The following CTNNA3 variants were observed in gnomAD, a reference collection of about 807,000 sequenced individuals.
CTNNA3 encodes catenin alpha-3.
Under a neutral mutation model 95.7 loss-of-function variants are expected in CTNNA3, and 76 were observed. That is an observed-to-expected ratio of 0.79 (90% CI 0.66 to 0.96). The LOEUF (loss-of-function observed/expected upper bound fraction) is 0.96, where lower values mean the gene tolerates loss of function less well. Among genes scored for constraint, CTNNA3 ranks in the 40% least tolerant of loss-of-function variants. The pLI is 0.00. For synonymous variants in CTNNA3, 431 were observed against 374.4 expected (o/e 1.15, Z -1.74); for missense variants, 1,191 against 1,089.8 (o/e 1.09, Z -1.31).
chr10:67,628,690 G>A (rs1839038858), intron 2 of CTNNA3, among the ~76,000 whole-genome samples: 1 of 152,062 alleles, frequency 6.6e-6, no homozygotes, highest in Admixed American at 6.6e-5. Flanking sequence ...AAAACTGTAT[G>A]AGATTTCTTA....
At chr10:67,452,825 T>C (rs1248447383) in intron 5 of CTNNA3, among the ~76,000 whole-genome samples, 3 of 152,190 alleles carry the variant, frequency 2.0e-5, no homozygotes, top group African/African-American at 7.2e-5. Flanking sequence ...AAATTGTCCT[T>C]AGAGTCAGCT....
intron 7 of CTNNA3, among the ~76,000 whole-genome samples, chr10:66,929,696 A>T (rs1439867876): frequency 6.6e-6 from 1 of 152,202 alleles, no homozygotes; most frequent in Non-Finnish European, 1.5e-5. Flanking sequence ...GTTCATCTGT[A>T]TTGTGAACTC....
chr10:66,120,640 G>T (rs1210470922), intron 13 of CTNNA3, among the ~76,000 whole-genome samples: 1 of 152,072 alleles, frequency 6.6e-6, no homozygotes, highest in Non-Finnish European at 1.5e-5. Flanking sequence ...GAGAACAGCT[G>T]CTAACACAAT....
chr10:65,920,566 C>T lies in CTNNA3; in HGVS notation c.2452G>A (p.Val818Ile). 1.2e-6 allele frequency: 2 copies of T among 1,614,126 alleles called. No homozygotes were observed. The highest frequency in any genetic ancestry group is 1.7e-6 in the Non-Finnish European group (2 of 1,180,016). Residue 818 changes from valine to isoleucine, a missense_variant, in exon 18 of 18, where the codon GTA becomes ATA. Val to Ile is a conservative substitution (Grantham distance 29). Coordinates refer to ENST00000433211, the MANE Select transcript of CTNNA3 (RefSeq NM_013266.4). ...IQAAKNLMNA[V>I]VQTVKMSYIA... ...TAAGACATTTTCACTGTTTGCACTA[C>T]AGCATTCATTAAATTTTTGGCTGCT...
chr10:66,758,498 G>A (rs1168304058), intron 9 of CTNNA3, among the ~76,000 whole-genome samples: 1 of 152,176 alleles, frequency 6.6e-6, no homozygotes, highest in Non-Finnish European at 1.5e-5. Context: ...TTAAAACAAA[G>A]TTTGGTTTCA....
intron 5 of CTNNA3, among the ~76,000 whole-genome samples, chr10:67,426,013 G>A (rs1375098898): frequency 1.3e-5 from 2 of 152,056 alleles, no homozygotes; most frequent in Admixed American, 1.3e-4. Context: ...GGGTGTCACA[G>A]GTCCTAAGGA....
intron 5 of CTNNA3, among the ~76,000 whole-genome samples, chr10:67,246,844 C>T (rs978103124): frequency 6.6e-5 from 10 of 152,048 alleles, no homozygotes; most frequent in East Asian, 3.9e-4. Flanking sequence ...AAGCAGAATG[C>T]GCAAGGAAAA....
chr10:66,392,385 G>A (rs529371534), intron 11 of CTNNA3, among the ~76,000 whole-genome samples: 4 of 151,916 alleles, frequency 2.6e-5, no homozygotes, highest in East Asian at 1.9e-4. Context: ...AGCAGAGATC[G>A]CTCCACTGCA....
chr10:67,016,888 C>T (rs553693659), intron 7 of CTNNA3, among the ~76,000 whole-genome samples: 216 of 152,124 alleles, frequency 1.4e-3, no homozygotes, highest in African/African-American at 4.7e-3. Flanking sequence ...TGGAATGATA[C>T]GAATATTTTA....
At chr10:67,165,322 A>G (rs1010687724) in intron 7 of CTNNA3, among the ~76,000 whole-genome samples, 19 of 152,100 alleles carry the variant, frequency 1.2e-4, no homozygotes, top group Admixed American at 1.3e-4. Flanking sequence ...AATGGAGAAT[A>G]GATTTGCATT....
Position 66,073,125 on chromosome 10 carries a change from G to T in CTNNA3, c.1978-3636C>A, listed in dbSNP as rs113424684. Among the ~76,000 whole-genome samples the T allele has an allele frequency of 2.6e-3, 393 of 152,180 alleles. 6 individuals carry two copies. Among genetic ancestry groups the T allele is most frequent in the African/African-American group, 9.1e-3 (379 of 41,538 alleles). On this transcript the variant is annotated intron_variant, in intron 14 of 17. Coordinates refer to ENST00000433211, the MANE Select transcript of CTNNA3 (RefSeq NM_013266.4). Reference sequence around the variant, plus strand: ...AGGGGTTACCAGGAGCTGGGGTAGTGGGGGAGGGGGTTTGAGAAGATGTTG... The same window carrying T: ...AGGGGTTACCAGGAGCTGGGGTAGTTGGGGAGGGGGTTTGAGAAGATGTTG...
intron 14 of CTNNA3, among the ~76,000 whole-genome samples, chr10:66,093,261 TA>T (rs748551892): frequency 2.0e-5 from 3 of 152,026 alleles, no homozygotes; most frequent in Non-Finnish European, 2.9e-5. Flanking sequence ...GTAAAGAACT[TA>T]AAGATCAAAC....
At chr10:67,262,919 G>A (rs762274782) in intron 5 of CTNNA3, among the ~76,000 whole-genome samples, 52 of 152,284 alleles carry the variant, frequency 3.4e-4, no homozygotes, top group Middle Eastern at 6.8e-3. Context: ...AGACTCCAGG[G>A]TGTTTTCAAT....
intron 5 of CTNNA3, among the ~76,000 whole-genome samples, chr10:67,291,748 T>C (rs546318923): frequency 8.5e-5 from 13 of 152,136 alleles, no homozygotes; most frequent in African/African-American, 1.2e-4. Flanking sequence ...CTTCACATGA[T>C]TTACTAGTGT....
At chr10:65,929,542 A>T (rs2077218252) in intron 17 of CTNNA3, among the ~76,000 whole-genome samples, 1 of 151,856 alleles carries the variant, frequency 6.6e-6, no homozygotes, top group Non-Finnish European at 1.5e-5. Flanking sequence ...ACCCATGCAC[A>T]TAAATGAAGC....
intron 7 of CTNNA3, among the ~76,000 whole-genome samples, chr10:66,799,900 C>T (rs4586043): frequency 0.85 from 128,973 of 151,090 alleles, 55,591 homozygotes; most frequent in East Asian, 1. Context: ...GAAATAATAA[C>T]ATAAATGTTG....
At chr10:67,607,127 CAA>C in intron 2 of CTNNA3, 78 bp from the exon 3 acceptor site, 3 of 1,174,534 alleles carry the variant, frequency 2.6e-6, no homozygotes, top group Non-Finnish European at 3.6e-6. Context: ...CAGACCAGAA[CAA>C]AAGACAGTAC....
At chr10:66,030,639 T>C (rs2079431880) in intron 15 of CTNNA3, among the ~76,000 whole-genome samples, 2 of 152,146 alleles carry the variant, frequency 1.3e-5, no homozygotes, top group African/African-American at 2.4e-5. Context: ...TTCTGAATGT[T>C]AGCCTTGGCA....
At chr10:66,416,564 A>G (rs2093147879) in intron 11 of CTNNA3, among the ~76,000 whole-genome samples, 1 of 151,934 alleles carries the variant, frequency 6.6e-6, no homozygotes, top group African/African-American at 2.4e-5. Flanking sequence ...AAAAAGCAAG[A>G]GAAAAGCATC....
Sources: allele counts gnomAD v4.1 joint callset (sites outside exome capture counted in the v4.1 genomes callset), GRCh38; gene constraint gnomAD v4.1.1; transcripts MANE v1.5; gene names NCBI Gene and HGNC (gene_info 2026-07-23, HGNC 2026-07-21).